Variants in PCSK2 observed in about 807,000 individuals in gnomAD.
PCSK2 encodes the protein proprotein convertase subtilisin/kexin type 2.
In PCSK2, 14 loss-of-function variants were observed where a neutral mutation model predicts 69.7. The observed-to-expected ratio is 0.20, with a 90% CI of 0.13 to 0.31. The LOEUF (loss-of-function observed/expected upper bound fraction) is 0.31, where lower values mean the gene tolerates loss of function less well. Ranked by LOEUF, PCSK2 falls within the 10% of genes least tolerant of loss-of-function variation. The pLI, the probability that PCSK2 is intolerant of heterozygous loss-of-function variation, is 1.00. For synonymous variants in PCSK2, 307 were observed against 320.7 expected (o/e 0.96, Z 0.46); for missense variants, 544 against 842.5 (o/e 0.65, Z 4.39).
chr20:17,230,141 C>T (rs1986093752), intron 1 of PCSK2, among the ~76,000 whole-genome samples: 1 of 152,158 alleles, frequency 6.6e-6, no homozygotes, highest in Admixed American at 6.5e-5. Context: ...CTTTTGCCAA[C>T]ATTTGTTATT....
chr20:17,318,950 C>A (rs1347151584), intron 2 of PCSK2, among the ~76,000 whole-genome samples: 1 of 152,200 alleles, frequency 6.6e-6, no homozygotes, highest in African/African-American at 2.4e-5. Context: ...AGAAGAAAAG[C>A]CCCATCTTGT....
At chr20:17,271,577 ATCT>A (rs1182470979) in intron 2 of PCSK2, among the ~76,000 whole-genome samples, 3 of 151,874 alleles carry the variant, frequency 2.0e-5, no homozygotes, top group African/African-American at 7.3e-5. Flanking sequence ...CGGCAAAATG[ATCT>A]TCTCCTCTGT....
intron 4 of PCSK2, among the ~76,000 whole-genome samples, chr20:17,362,197 G>T (rs912293554): frequency 6.6e-6 from 1 of 152,176 alleles, no homozygotes; most frequent in African/African-American, 2.4e-5. Flanking sequence ...CACATGCAAA[G>T]GCAAGCCCTT....
chr20:17,285,256 G>T (rs1988472090), intron 2 of PCSK2, among the ~76,000 whole-genome samples: 1 of 152,168 alleles, frequency 6.6e-6, no homozygotes, highest in South Asian at 2.1e-4. Context: ...CTTGTCGGGT[G>T]GGAACAGGGA....
At chr20:17,475,304 T>G (rs2284917) in intron 11 of PCSK2, among the ~76,000 whole-genome samples, 1 of 151,134 alleles carries the variant, frequency 6.6e-6, no homozygotes, top group Non-Finnish European at 1.5e-5. Flanking sequence ...GCAGCCAATG[T>G]CCACAGTAGC....
chr20:17,442,919 G>A (rs2032626753), intron 8 of PCSK2, among the ~76,000 whole-genome samples: 1 of 152,126 alleles, frequency 6.6e-6, no homozygotes, highest in Admixed American at 6.5e-5. Flanking sequence ...TTGCCTTCAT[G>A]AGTCTGGAAG....
intron 2 of PCSK2, among the ~76,000 whole-genome samples, chr20:17,343,693 G>A (rs898015990): frequency 1.3e-5 from 2 of 152,206 alleles, no homozygotes; most frequent in Non-Finnish European, 2.9e-5. Context: ...TGGCCCCAAT[G>A]TAATCACGAG....
At chr20:17,454,120 C>G (rs2032876850) in intron 9 of PCSK2, among the ~76,000 whole-genome samples, 163 bp downstream of exon 9, 1 of 152,212 alleles carries the variant, frequency 6.6e-6, no homozygotes, top group Non-Finnish European at 1.5e-5. Flanking sequence ...GTCCTGCTTT[C>G]TAACAAAGCA....
intron 10 of PCSK2, chr20:17,463,841 C>G (rs1045522260): frequency 2.6e-5 from 4 of 152,132 alleles, no homozygotes; most frequent in African/African-American, 9.7e-5. Flanking sequence ...GAAATTTTAT[C>G]AAATGAGTTA....
chr20:17,344,179 T>C (rs919467491), intron 2 of PCSK2, among the ~76,000 whole-genome samples: 6 of 152,216 alleles, frequency 3.9e-5, no homozygotes, highest in Non-Finnish European at 8.8e-5. Context: ...GGGTGCTCTG[T>C]GCGTAAGTAG....
intron 2 of PCSK2, among the ~76,000 whole-genome samples, chr20:17,347,858 AAGAG>A (rs1990703856): frequency 7.6e-6 from 1 of 131,170 alleles, no homozygotes; most frequent in South Asian, 2.5e-4. Context: ...GAAAGAAAGA[AAGAG>A]GAGAGAGAAA....
In PCSK2 at chr20:17,464,929, AG is replaced by A. The variant is rs1229267921; in HGVS notation, c.1203-396del. 9 of 274,596 alleles carry A rather than the reference AG, an allele frequency of 3.3e-5. No individual in the cohort carries two copies. In the East Asian group the frequency reaches 6.8e-4, roughly 21 times the overall value. 17.0% of individuals were successfully genotyped at this position (274,596 alleles called of 1,614,324 possible). On this transcript the variant is annotated intron_variant, in intron 10 of 11. Coordinates refer to ENST00000262545, the MANE Select transcript of PCSK2 (RefSeq NM_002594.5). ...AAAAGAATTTCCAGGCCATAGCTTA[AG>A]CTTAACTTTAGAAGATACAGCCAAA...
intron 2 of PCSK2, among the ~76,000 whole-genome samples, chr20:17,302,373 T>C (rs930875126): frequency 3.9e-4 from 59 of 152,172 alleles, no homozygotes; most frequent in African/African-American, 1.4e-3. Context: ...GAAAACAATC[T>C]GAAAAACAAT....
intron 8 of PCSK2, among the ~76,000 whole-genome samples, chr20:17,438,780 CT>C (rs1427957847): frequency 2.0e-5 from 3 of 152,368 alleles, no homozygotes; most frequent in Non-Finnish European, 1.5e-5. Flanking sequence ...CAGCCGATGA[CT>C]AAGGCAGGAG....
rs566801637 is a variant in PCSK2, at chr20:17,295,940, C to T, written c.282+35596C>T. Among the ~76,000 whole-genome samples the T allele has an allele frequency of 1.1e-3, 174 of 152,282 alleles. 2 individuals carry two copies. Among genetic ancestry groups the T allele is most frequent in the South Asian group, 4.8e-3 (23 of 4,822 alleles). On this transcript the variant is annotated intron_variant, in intron 2 of 11. Transcript: ENST00000262545. ...AGCCCCTCCTCAAGCAAGCTGATAGCAGGGCATCCACAAATGTGCTTGTGT... is the reference window on the plus strand; with the variant it reads ...AGCCCCTCCTCAAGCAAGCTGATAGTAGGGCATCCACAAATGTGCTTGTGT...
chr20:17,313,981 C>T (rs1376242708), intron 2 of PCSK2, among the ~76,000 whole-genome samples: 1 of 152,132 alleles, frequency 6.6e-6, no homozygotes, highest in Admixed American at 6.5e-5. Context: ...TAATGATGTG[C>T]TTTTGTTTCT....
intron 6 of PCSK2, among the ~76,000 whole-genome samples, chr20:17,425,238 G>A (rs1211587769): frequency 6.6e-6 from 1 of 151,938 alleles, no homozygotes; most frequent in African/African-American, 2.4e-5. Flanking sequence ...ATAAGCCTGA[G>A]CCAAAATGGA....
At chr20:17,424,940 A>T (rs572898321) in intron 6 of PCSK2, among the ~76,000 whole-genome samples, 2 of 151,928 alleles carry the variant, frequency 1.3e-5, no homozygotes, top group South Asian at 4.1e-4. Context: ...ACAGGCCACC[A>T]TACCTGGCTA....
At chr20:17,285,639 G>A (rs1472573562) in intron 2 of PCSK2, among the ~76,000 whole-genome samples, 1 of 152,226 alleles carries the variant, frequency 6.6e-6, no homozygotes, top group East Asian at 1.9e-4. Context: ...GGCAACTGCA[G>A]ACAGATTGGC....
Sources: gnomAD v4.1 joint callset for allele counts (sites outside exome capture counted in the v4.1 genomes callset) on GRCh38, gnomAD v4.1.1 for gene constraint, MANE v1.5 for transcripts, NCBI Gene and HGNC (gene_info 2026-07-23, HGNC 2026-07-21) for gene names.